The following PSPH variants were observed in gnomAD, a reference collection of about 807,000 sequenced individuals.
PSPH encodes L-3-phosphoserine phosphatase.
In PSPH, 16 loss-of-function variants were observed where a neutral mutation model predicts 23.4. The observed-to-expected ratio is 0.68, with a 90% CI of 0.46 to 1.04. The LOEUF (loss-of-function observed/expected upper bound fraction) is 1.04, where lower values mean the gene tolerates loss of function less well. PSPH is among the 50% of genes least tolerant of loss of function. The probability of loss-of-function intolerance (pLI) is 0.00; values close to 1 mark genes in which losing one functional copy is unlikely to be tolerated. For missense variants in PSPH, 223 were observed against 273.7 expected (o/e 0.81, Z 1.31); for synonymous variants, 68 against 99.7 (o/e 0.68, Z 1.89).
At chr7:56,036,144 T>C (rs2117000498) in intron 1 of PSPH, among the ~76,000 whole-genome samples, 1 of 151,946 alleles carries the variant, frequency 6.6e-6, no homozygotes, top group Middle Eastern at 3.4e-3. Flanking sequence ...GAAGAATCGT[T>C]TGAACCTGGG....
chr7:56,029,748 G>C (rs375592667), intron 3 of PSPH, among the ~76,000 whole-genome samples: 44 of 152,162 alleles, frequency 2.9e-4, no homozygotes, highest in African/African-American at 9.9e-4. Flanking sequence ...AAAAATAAAA[G>C]CCTGTACAGA....
intron 1 of PSPH, among the ~76,000 whole-genome samples, chr7:56,042,934 C>T (rs1239232319): frequency 6.6e-6 from 1 of 151,972 alleles, no homozygotes; most frequent in Non-Finnish European, 1.5e-5. Context: ...ATGAGAAAAG[C>T]AAATCATATA....
chr7:56,020,172 T>A (rs191795162), intron 4 of PSPH, among the ~76,000 whole-genome samples: 142 of 141,226 alleles, frequency 1.0e-3, no homozygotes, highest in Middle Eastern at 7.3e-3. Flanking sequence ...TGAGCCAAGA[T>A]CTCACCACTG....
At chr7:56,013,156 T>TACACACACACAC (rs34329610) in intron 7 of PSPH, among the ~76,000 whole-genome samples, 6,431 of 142,072 alleles carry the variant, frequency 0.045, 198 homozygotes, top group Admixed American at 0.096. Context: ...TGTATGTGTA[T>TACACACACACAC]ACACACACAC....
chr7:56,014,061 G>A (rs1210074800), intron 7 of PSPH, among the ~76,000 whole-genome samples: 2 of 151,592 alleles, frequency 1.3e-5, no homozygotes, highest in African/African-American at 2.4e-5. Context: ...CCCAGAGGGC[G>A]GAGGTTGCAG....
chr7:56,039,573 C>T (rs1295201296), intron 1 of PSPH, among the ~76,000 whole-genome samples: 6 of 151,458 alleles, frequency 4.0e-5, no homozygotes, highest in Non-Finnish European at 5.9e-5. Context: ...GTCAGGAGAT[C>T]GAGACCATCC....
At chr7:56,039,950 T>A (rs1332043836) in intron 1 of PSPH, among the ~76,000 whole-genome samples, 4 of 151,664 alleles carry the variant, frequency 2.6e-5, no homozygotes, top group Non-Finnish European at 5.9e-5. Flanking sequence ...TACAAAAAAA[T>A]TAGCTGGGCG....
At chr7:56,031,450 A>G (rs1790991876) in intron 3 of PSPH, among the ~76,000 whole-genome samples, 1 of 152,196 alleles carries the variant, frequency 6.6e-6, no homozygotes, top group Admixed American at 6.5e-5. Context: ...TAATATAACC[A>G]GCTATTCTGG....
intron 1 of PSPH, among the ~76,000 whole-genome samples, chr7:56,049,595 T>G (rs1176807579): frequency 2.0e-5 from 3 of 151,834 alleles, no homozygotes; most frequent in African/African-American, 7.3e-5. Context: ...GCCGCCACCA[T>G]GCCCAGCTAA....
intron 3 of PSPH, among the ~76,000 whole-genome samples, chr7:56,022,337 C>T (rs987850858): frequency 1.3e-5 from 2 of 151,508 alleles, no homozygotes; most frequent in African/African-American, 4.9e-5. Flanking sequence ...CTGACTCTAA[C>T]TAAAAGAAAA....
chr7:56,042,519 C>T (rs949307663), intron 1 of PSPH, among the ~76,000 whole-genome samples: 24 of 152,052 alleles, frequency 1.6e-4, no homozygotes, highest in African/African-American at 5.5e-4. Context: ...GGTGTGGTGA[C>T]GAGTGCTTGT....
In PSPH at chr7:56,015,070, T is replaced by C. The variant is rs1331633445; in HGVS notation, c.523A>G (p.Ile175Val). ...LKEKFHFKKI[I>V]MIGDGATDME... ...TCTGTGGCACCATCTCCAATCATGA[T>C]TATTTTCTTAAAATGAAATTTTTCC... is the stretch of plus-strand genomic sequence containing the variant. The change falls in exon 7 of 8, where the codon ATC (isoleucine) becomes GTC (valine). Residue 175 changes from isoleucine to valine, a missense_variant. Transcript: ENST00000275605. 2 of 1,614,166 alleles carry C rather than the reference T, an allele frequency of 1.2e-6. No homozygotes were observed. Among genetic ancestry groups the C allele is most frequent in the South Asian group, 2.2e-5 (2 of 91,076 alleles).
intron 1 of PSPH, among the ~76,000 whole-genome samples, chr7:56,050,764 A>G (rs188444805): frequency 1.2e-3 from 178 of 152,368 alleles, no homozygotes; most frequent in Non-Finnish European, 1.9e-3. Flanking sequence ...GAAAATTCAT[A>G]GAGTACCCAG....
intron 3 of PSPH, among the ~76,000 whole-genome samples, chr7:56,030,400 A>C (rs1790805493): frequency 6.6e-6 from 1 of 151,990 alleles, no homozygotes; most frequent in Non-Finnish European, 1.5e-5. Context: ...CGGCCTCCCA[A>C]GGTGTGAGCC....
At chr7:56,038,816 G>C (rs1792083036) in intron 1 of PSPH, among the ~76,000 whole-genome samples, 1 of 151,860 alleles carries the variant, frequency 6.6e-6, no homozygotes, top group Non-Finnish European at 1.5e-5. Flanking sequence ...ACTCCAGCCT[G>C]GGTGACAGAG....
chr7:56,014,701 T>C (rs1584377873), intron 7 of PSPH, among the ~76,000 whole-genome samples: 1 of 152,210 alleles, frequency 6.6e-6, no homozygotes, highest in East Asian at 1.9e-4. Flanking sequence ...CCCAGCACTT[T>C]GGGAGGCTGA....
intron 1 of PSPH, among the ~76,000 whole-genome samples, chr7:56,035,339 C>T (rs887197071): frequency 6.6e-6 from 1 of 151,884 alleles, no homozygotes; most frequent in African/African-American, 2.4e-5. Context: ...AGTGAAACTC[C>T]GTTTAAAAAA....
chr7:56,046,711 A>G (rs927532861), intron 1 of PSPH, among the ~76,000 whole-genome samples: 2 of 151,266 alleles, frequency 1.3e-5, no homozygotes, highest in Non-Finnish European at 2.9e-5. Flanking sequence ...TTGAACCCAG[A>G]AGGTGGAGGT....
intron 3 of PSPH, among the ~76,000 whole-genome samples, chr7:56,027,687 CA>C (rs35102510): frequency 0.52 from 52,604 of 102,104 alleles, 10,981 homozygotes; most frequent in Non-Finnish European, 0.56. Context: ...GACTCCATCT[CA>C]AAAAAAAAAA....
Sources: gnomAD v4.1 joint callset for allele counts (sites outside exome capture counted in the v4.1 genomes callset) on GRCh38, gnomAD v4.1.1 for gene constraint, MANE v1.5 for transcripts, NCBI Gene and HGNC (gene_info 2026-07-23, HGNC 2026-07-21) for gene names.